Variants in MACC1 observed in about 807,000 individuals in gnomAD.
MACC1 encodes the protein metastasis-associated in colon cancer protein 1.
In MACC1, 79 loss-of-function variants were observed where a neutral mutation model predicts 70.7. The ratio of observed to expected loss-of-function variants is 1.12; its 90% confidence interval spans 0.93 to 1.35. MACC1 has a LOEUF of 1.35. Among genes scored for constraint, MACC1 ranks in the 40% most tolerant of loss-of-function variants. MACC1 has a pLI of 0.00. For synonymous variants in MACC1, 361 were observed against 347.2 expected (o/e 1.04, Z -0.44); for missense variants, 1,106 against 978.1 (o/e 1.13, Z -1.74).
intron 2 of MACC1, among the ~76,000 whole-genome samples, chr7:20,166,857 A>G (rs1311990109): frequency 6.6e-6 from 1 of 152,198 alleles, no homozygotes; most frequent in Non-Finnish European, 1.5e-5. Flanking sequence ...GAAAATCATA[A>G]TAATTGTGCA....
chr7:20,182,473 T>C (rs1168344593), intron 1 of MACC1, among the ~76,000 whole-genome samples: 1 of 152,208 alleles, frequency 6.6e-6, no homozygotes, highest in African/African-American at 2.4e-5. Flanking sequence ...TCCTATTTGC[T>C]GTTCTTAGTG....
At chr7:20,195,602 C>G (rs1782738821) in intron 1 of MACC1, among the ~76,000 whole-genome samples, 1 of 152,164 alleles carries the variant, frequency 6.6e-6, no homozygotes, top group Non-Finnish European at 1.5e-5. Context: ...AGGCCCTATA[C>G]ATCAAAAGGT....
intron 3 of MACC1, among the ~76,000 whole-genome samples, chr7:20,163,168 T>C (rs1192144032): frequency 6.6e-6 from 1 of 152,102 alleles, no homozygotes; most frequent in African/African-American, 2.4e-5. Context: ...CCTAGATATA[T>C]GGAAATATGA....
Position 20,141,049 on chromosome 7 carries a change from T to C in MACC1, c.2456A>G (p.Asn819Ser), listed in dbSNP as rs758922344. 4 of 1,613,938 alleles carry C rather than the reference T, an allele frequency of 2.5e-6. No homozygotes were observed. Among genetic ancestry groups the C allele is most frequent in the Non-Finnish European group, 2.5e-6 (3 of 1,179,926 alleles). The change falls in exon 7 of 7, where the codon AAC becomes AGC. Residue 819 changes from asparagine (N) to serine (S), a missense_variant. Coordinates refer to ENST00000400331, the MANE Select transcript of MACC1 (RefSeq NM_182762.4). Reference sequence around the variant, plus strand: ...TTCTCTCCAGTGTTTAGTCACAGGGTTTTTCATTCTGTCCAAAGCTGACTG... The same window carrying C: ...TTCTCTCCAGTGTTTAGTCACAGGGCTTTTCATTCTGTCCAAAGCTGACTG... ...DLQSALDRMK[N>S]PVTKHWRELT...
chr7:20,134,845 G>A lies in MACC1; in HGVS notation c.*6101C>T, dbSNP rs919551795. 1 of 152,160 alleles carries A rather than the reference G, an allele frequency of 6.6e-6. No individual in the cohort carries two copies. The highest frequency in any genetic ancestry group is 1.5e-5 in the Non-Finnish European group (1 of 68,022). The allele number at this position is 152,160 out of a possible 1,614,324, so 9.4% of individuals were successfully genotyped here. ...CCATAGATTCTTCCAATCACCCAAA[G>A]AAAAACAATTAACAAGGAAATGATG... On this transcript the variant is annotated 3_prime_UTR_variant, in exon 7 of 7. Coordinates refer to ENST00000400331, the MANE Select transcript of MACC1 (RefSeq NM_182762.4).
chr7:20,143,066 G>T (rs1374642176), intron 6 of MACC1, among the ~76,000 whole-genome samples: 1 of 152,232 alleles, frequency 6.6e-6, no homozygotes, highest in Non-Finnish European at 1.5e-5. Flanking sequence ...TAATTTTGGG[G>T]TTGTCCACTA....
intron 6 of MACC1, among the ~76,000 whole-genome samples, chr7:20,147,000 G>C (rs776406946): frequency 6.6e-6 from 1 of 152,186 alleles, no homozygotes; most frequent in African/African-American, 2.4e-5. Context: ...AAGGGCAGCA[G>C]CGTGAGTAAG....
intron 1 of MACC1, among the ~76,000 whole-genome samples, chr7:20,181,865 C>T (rs1255242960): frequency 6.6e-6 from 1 of 151,978 alleles, no homozygotes; most frequent in African/African-American, 2.4e-5. Context: ...TATGATGATA[C>T]TCCTAACCAA....
chr7:20,154,221 C>T lies in MACC1; in HGVS notation c.2318G>A (p.Arg773Gln), dbSNP rs535626184. The change falls in exon 6 of 7, where the codon CGA becomes CAA. Residue 773 changes from arginine (R) to glutamine (Q), a missense_variant. Arg to Gln is a conservative substitution (Grantham distance 43, BLOSUM62 1). Transcript: ENST00000400331. ...AACAGCAACATCTCCAGTGTTTCCT[C>T]GATGAGGAATTTCATATGCCTCCAT... ...QQMEAYEIPH[R>Q]GNTGDVAVEM... 2.9e-5 allele frequency: 47 copies of T among 1,613,900 alleles called. No homozygotes were observed. The South Asian group carries it at 3.6e-4, about 12-fold the overall frequency.
intron 1 of MACC1, among the ~76,000 whole-genome samples, chr7:20,183,934 T>C (rs532270788): frequency 7.2e-5 from 11 of 152,170 alleles, no homozygotes; most frequent in African/African-American, 2.6e-4. Context: ...TATCAAATTC[T>C]TGAACGCAGG....
intron 2 of MACC1, among the ~76,000 whole-genome samples, chr7:20,167,338 G>C (rs956154357): frequency 6.6e-6 from 1 of 151,934 alleles, no homozygotes; most frequent in Non-Finnish European, 1.5e-5. Context: ...CAGGACTACA[G>C]GTGCATGCCA....
At chr7:20,200,877 C>G (rs1282980058) in intron 1 of MACC1, among the ~76,000 whole-genome samples, 1 of 152,162 alleles carries the variant, frequency 6.6e-6, no homozygotes, top group Non-Finnish European at 1.5e-5. Flanking sequence ...GGTCAAGTGT[C>G]CATGCCATAC....
chr7:20,192,317 T>C (rs1583406146), intron 1 of MACC1, among the ~76,000 whole-genome samples: 1 of 152,194 alleles, frequency 6.6e-6, no homozygotes, highest in African/African-American at 2.4e-5. Context: ...TTCTTTGCTA[T>C]TCTCATTGAA....
chr7:20,204,971 T>TTAAA (rs1429755762), intron 1 of MACC1, among the ~76,000 whole-genome samples: 1 of 152,204 alleles, frequency 6.6e-6, no homozygotes, highest in Non-Finnish European at 1.5e-5. Flanking sequence ...GGATCTATAA[T>TTAAA]TAAATTTAGA....
chr7:20,144,439 C>T (rs1280251964), intron 6 of MACC1, among the ~76,000 whole-genome samples: 3 of 152,148 alleles, frequency 2.0e-5, no homozygotes, highest in African/African-American at 7.2e-5. Flanking sequence ...AGTCCTGTGT[C>T]TACATCTGAG....
At chr7:20,164,602 A>C (rs1381685178) in intron 2 of MACC1, among the ~76,000 whole-genome samples, 1 of 152,196 alleles carries the variant, frequency 6.6e-6, no homozygotes, top group Non-Finnish European at 1.5e-5. Flanking sequence ...ACTACATCGA[A>C]AAAATGGGTA....
At chr7:20,143,499 C>A (rs113697272) in intron 6 of MACC1, among the ~76,000 whole-genome samples, 3,414 of 152,292 alleles carry the variant, frequency 0.022, 135 homozygotes, top group African/African-American at 0.078. Context: ...AGCAATTCTC[C>A]TGCCTCAGCC....
intron 1 of MACC1, among the ~76,000 whole-genome samples, chr7:20,196,282 G>GC (rs1212621765): frequency 6.6e-6 from 1 of 152,056 alleles, no homozygotes; most frequent in Non-Finnish European, 1.5e-5. Context: ...CTGGGTTCAC[G>GC]CCATTCTCCT....
intron 6 of MACC1, among the ~76,000 whole-genome samples, chr7:20,149,713 TC>T (rs1257450710): frequency 6.6e-6 from 1 of 152,110 alleles, no homozygotes; most frequent in African/African-American, 2.4e-5. Context: ...TTCTCAGTGG[TC>T]CCTAGAGCTC....
Sources: gnomAD v4.1 joint callset for allele counts (sites outside exome capture counted in the v4.1 genomes callset) on GRCh38, gnomAD v4.1.1 for gene constraint, MANE v1.5 for transcripts, NCBI Gene and HGNC (gene_info 2026-07-23, HGNC 2026-07-21) for gene names.